Variants in PCSK5 observed in about 807,000 individuals in gnomAD.
The protein encoded by PCSK5 is prohormone convertase 5.
In PCSK5, 129 loss-of-function variants were observed where a neutral mutation model predicts 233.2. That is an observed-to-expected ratio of 0.55 (90% confidence interval 0.48 to 0.64). PCSK5 has a LOEUF of 0.64. Ranked by LOEUF, PCSK5 falls within the 30% of genes least tolerant of loss-of-function variation. The pLI is 0.00. For synonymous variants in PCSK5, 825 were observed against 879.2 expected (o/e 0.94, Z 1.09); for missense variants, 2,076 against 2,430.1 (o/e 0.85, Z 3.06).
In PCSK5 at chr9:76,328,204, A is replaced by G. The variant is rs779995980; in HGVS notation, c.4535A>G (p.Gln1512Arg). The change falls in exon 33 of 38, where the codon CAG becomes CGG. Residue 1512 changes from glutamine (Q) to arginine (R), a missense_variant. By Grantham distance (43) the Gln-to-Arg change is conservative. Coordinates refer to ENST00000674117, the MANE Select transcript of PCSK5 (RefSeq NM_001372043.1). Reference sequence around the variant, plus strand: ...CACTGCATGGGGCCGGCGGAGGACCAGTGTCAAACATGCCCCATGAACAGC... The same window carrying G: ...CACTGCATGGGGCCGGCGGAGGACCGGTGTCAAACATGCCCCATGAACAGC... ...CFHCMGPAED[Q>R]CQTCPMNSLL... is the part of the protein sequence containing the mutation. 2 of 1,612,782 alleles carry G rather than the reference A, an allele frequency of 1.2e-6. No individual in the cohort carries two copies. The highest frequency in any genetic ancestry group is 1.3e-5 in the African/African-American group (1 of 75,058).
intron 32 of PCSK5, among the ~76,000 whole-genome samples, chr9:76,324,135 A>C (rs1164459638): frequency 6.6e-6 from 1 of 151,996 alleles, no homozygotes; most frequent in Non-Finnish European, 1.5e-5. Context: ...CATGTTGACC[A>C]GGCTGGTCTT....
chr9:76,127,439 A>C (rs922001956), intron 9 of PCSK5, among the ~76,000 whole-genome samples: 1 of 152,194 alleles, frequency 6.6e-6, no homozygotes, highest in Non-Finnish European at 1.5e-5. Flanking sequence ...AGATTTATTG[A>C]CAATCCTAGT....
At chr9:76,214,373 T>C (rs116243498) in intron 20 of PCSK5, among the ~76,000 whole-genome samples, 1 of 151,986 alleles carries the variant, frequency 6.6e-6, no homozygotes, top group Non-Finnish European at 1.5e-5. Context: ...TCTAGGATAT[T>C]GGAAGGGGGG....
intron 5 of PCSK5, among the ~76,000 whole-genome samples, chr9:76,037,551 G>A (rs1425254196): frequency 6.6e-6 from 1 of 152,044 alleles, no homozygotes; most frequent in Non-Finnish European, 1.5e-5. Context: ...CTCTATTTGG[G>A]GATATGGATT....
intron 1 of PCSK5, among the ~76,000 whole-genome samples, chr9:75,899,721 C>T (rs896730732): frequency 6.6e-5 from 10 of 152,154 alleles, no homozygotes; most frequent in Admixed American, 2.0e-4. Flanking sequence ...TAAATTAGCA[C>T]TCATCATCAA....
intron 26 of PCSK5, 46 bp from the exon 27 acceptor site, chr9:76,296,619 A>C (rs1374589673): frequency 7.5e-7 from 1 of 1,342,046 alleles, no homozygotes; most frequent in Non-Finnish European, 1.1e-6. Context: ...TTGGCCTTGC[A>C]AAGATCACTA....
chr9:76,230,267 C>G (rs1826035544), intron 21 of PCSK5, among the ~76,000 whole-genome samples: 2 of 152,236 alleles, frequency 1.3e-5, no homozygotes, highest in South Asian at 4.1e-4. Flanking sequence ...TAATCATCCT[C>G]TTACAAAAAC....
At chr9:75,897,054 C>G (rs1425337700) in intron 1 of PCSK5, among the ~76,000 whole-genome samples, 1 of 152,066 alleles carries the variant, frequency 6.6e-6, no homozygotes, top group Non-Finnish European at 1.5e-5. Flanking sequence ...CCCTCAGTTC[C>G]TCATTTTTCA....
chr9:76,203,812 A>C (rs1369503010), intron 20 of PCSK5, among the ~76,000 whole-genome samples: 1 of 152,154 alleles, frequency 6.6e-6, no homozygotes, highest in African/African-American at 2.4e-5. Flanking sequence ...GCCAGATCCC[A>C]AGTTGATCTT....
chr9:76,040,178 C>T (rs896073939), intron 5 of PCSK5, among the ~76,000 whole-genome samples: 4 of 152,056 alleles, frequency 2.6e-5, no homozygotes, highest in Non-Finnish European at 4.4e-5. Context: ...AAAGACTGCT[C>T]GGTAGTATGG....
intron 7 of PCSK5, among the ~76,000 whole-genome samples, chr9:76,072,477 A>G (rs1830515068): frequency 6.6e-6 from 1 of 152,256 alleles, no homozygotes; most frequent in African/African-American, 2.4e-5. Context: ...TTCAAATTAC[A>G]GATCTTAAGA....
At chr9:76,279,561 C>T (rs1240290946) in intron 24 of PCSK5, among the ~76,000 whole-genome samples, 1 of 151,908 alleles carries the variant, frequency 6.6e-6, no homozygotes, top group Non-Finnish European at 1.5e-5. Flanking sequence ...TCTCCACATC[C>T]TCTCCAGCAC....
intron 3 of PCSK5, among the ~76,000 whole-genome samples, chr9:75,986,748 A>G (rs1043869686): frequency 3.3e-5 from 5 of 152,226 alleles, no homozygotes; most frequent in African/African-American, 1.2e-4. Flanking sequence ...AGACCAGGAA[A>G]GGAAATCATG....
At chr9:75,933,483 A>C (rs192454864) in intron 2 of PCSK5, among the ~76,000 whole-genome samples, 1 of 152,210 alleles carries the variant, frequency 6.6e-6, no homozygotes, top group Non-Finnish European at 1.5e-5. Flanking sequence ...TAGCAATCTC[A>C]GCTAGATATC....
chr9:75,915,069 C>T (rs1264765333), intron 1 of PCSK5, among the ~76,000 whole-genome samples: 3 of 152,122 alleles, frequency 2.0e-5, no homozygotes, highest in Non-Finnish European at 2.9e-5. Context: ...TTGTTTTGTC[C>T]GTTGGAACCA....
At chr9:76,027,722 C>G (rs1828489728) in intron 5 of PCSK5, among the ~76,000 whole-genome samples, 2 of 152,102 alleles carry the variant, frequency 1.3e-5, no homozygotes, top group Admixed American at 6.5e-5. Context: ...GGTTTTCTTG[C>G]TTACATAATG....
At chr9:75,902,214 T>TTAAAAAAAAA (rs1554703242) in intron 1 of PCSK5, among the ~76,000 whole-genome samples, 4 of 53,298 alleles carry the variant, frequency 7.5e-5, no homozygotes, top group Admixed American at 2.2e-4. Context: ...AGACACCATC[T>TTAAAAAAAAA]AAAAAAAAAA....
At chr9:76,271,138 C>T (rs1192303770) in intron 24 of PCSK5, among the ~76,000 whole-genome samples, 2 of 151,936 alleles carry the variant, frequency 1.3e-5, no homozygotes, top group African/African-American at 2.4e-5. Context: ...CCTTGGGCTT[C>T]GTTGAAATAA....
chr9:75,994,392 CTTTCTTTCTTTTTTTTTTTTTT>C (rs1563961053), intron 3 of PCSK5, among the ~76,000 whole-genome samples: 2 of 26,696 alleles, frequency 7.5e-5, no homozygotes, highest in Non-Finnish European at 1.9e-4. Flanking sequence ...TCTTTTCTTT[CTTTCTTTCTTTTTTTTTTTTTT>C]TTTTTTTTTT....
Sources: allele counts gnomAD v4.1 joint callset (sites outside exome capture counted in the v4.1 genomes callset), GRCh38; gene constraint gnomAD v4.1.1; transcripts MANE v1.5; gene names NCBI Gene and HGNC (gene_info 2026-07-23, HGNC 2026-07-21).